The following ARHGAP32 variants were observed in gnomAD, a reference collection of about 807,000 sequenced individuals.
ARHGAP32 encodes rho GTPase-activating protein 32.
In ARHGAP32, 51 loss-of-function variants were observed where a neutral mutation model predicts 186.5. The observed-to-expected ratio is 0.27, with a 90% CI of 0.22 to 0.35. The LOEUF is 0.35. Among genes scored for constraint, ARHGAP32 ranks in the 10% least tolerant of loss-of-function variants. The pLI is 1.00. For missense variants in ARHGAP32, 2,186 were observed against 2,623.5 expected (o/e 0.83, Z 3.64); for synonymous variants, 950 against 964.3 (o/e 0.99, Z 0.27).
Position 128,968,976 on chromosome 11 carries a change from C to A in ARHGAP32, c.6237G>T (p.Leu2079Phe). Residue 2079 changes from leucine to phenylalanine, a missense_variant, in exon 23 of 23, where the codon TTG becomes TTT. By Grantham distance (22) the Leu-to-Phe change is conservative (BLOSUM62 0). Around this residue, in one of 5 missense-constraint regions of ARHGAP32, gnomAD observed 1,502 missense variants for 1,570.0 expected, o/e 0.96. Transcript: ENST00000682385. ...HPQSRTYATALGQGAFLPAEL... is the reference protein window; with the variant it reads ...HPQSRTYATAFGQGAFLPAEL... ...CTGCGGGCAGGAAGGCCCCTTGACC[C>A]AACGCTGTAGCATAGGTCCTGCTCT... 1 of 1,588,802 alleles carries A rather than the reference C, an allele frequency of 6.3e-7. No individual in the cohort carries two copies. The highest frequency in any genetic ancestry group is 1.7e-5 in the Admixed American group (1 of 58,664).
chr11:128,994,483 G>T (rs974247390), intron 12 of ARHGAP32, among the ~76,000 whole-genome samples: 5 of 151,904 alleles, frequency 3.3e-5, no homozygotes, highest in African/African-American at 1.2e-4. Context: ...TCACATCTAA[G>T]CAAGGTTTAA....
intron 1 of ARHGAP32, among the ~76,000 whole-genome samples, chr11:129,263,691 A>G (rs1945355553): frequency 2.0e-5 from 3 of 151,358 alleles, no homozygotes; most frequent in Admixed American, 2.0e-4. Context: ...AAAGAAAGAG[A>G]AAAAGAAAGA....
intron 20 of ARHGAP32, 81 bp downstream of exon 20, chr11:128,976,482 G>T: frequency 8.7e-7 from 1 of 1,145,370 alleles, no homozygotes; most frequent in Non-Finnish European, 1.3e-6. Context: ...ATTAAGCACA[G>T]ATATATAAAA....
intron 10 of ARHGAP32, among the ~76,000 whole-genome samples, chr11:129,044,130 T>C (rs1319383392): frequency 6.6e-6 from 1 of 152,218 alleles, no homozygotes; most frequent in African/African-American, 2.4e-5. Context: ...ATCTTAAGTC[T>C]GCCACTCACT....
intron 10 of ARHGAP32, among the ~76,000 whole-genome samples, chr11:129,045,472 T>C (rs1939770232): frequency 6.6e-6 from 1 of 152,226 alleles, no homozygotes; most frequent in Non-Finnish European, 1.5e-5. Context: ...GGCAAACAGA[T>C]TCCATTTTAC....
intron 1 of ARHGAP32, among the ~76,000 whole-genome samples, chr11:129,255,235 C>T (rs921907294): frequency 1.3e-5 from 2 of 152,074 alleles, no homozygotes; most frequent in Non-Finnish European, 2.9e-5. Flanking sequence ...ACGACCCACA[C>T]GTATGTGGTT....
chr11:129,024,046 G>A (rs769274949), intron 11 of ARHGAP32: 64 of 985,266 alleles, frequency 6.5e-5, no homozygotes, highest in East Asian at 1.1e-4. Flanking sequence ...CATCACTGCC[G>A]GGTTCCAGCT....
intron 1 of ARHGAP32, among the ~76,000 whole-genome samples, chr11:129,250,200 G>A (rs1391851538): frequency 6.6e-6 from 1 of 152,120 alleles, no homozygotes; most frequent in Non-Finnish European, 1.5e-5. Context: ...CTGGGCAACA[G>A]AGCAAGCCTC....
chr11:129,177,282 G>A (rs1943938217), intron 1 of ARHGAP32, among the ~76,000 whole-genome samples: 1 of 152,086 alleles, frequency 6.6e-6, no homozygotes, highest in Admixed American at 6.6e-5. Flanking sequence ...AGCTGAAATT[G>A]TGGCAATAAT....
chr11:129,090,555 C>T (rs1427189078), intron 6 of ARHGAP32, among the ~76,000 whole-genome samples: 1 of 152,038 alleles, frequency 6.6e-6, no homozygotes. Flanking sequence ...AAGTATTTTA[C>T]TAAGCAACAA....
intron 9 of ARHGAP32, among the ~76,000 whole-genome samples, chr11:129,062,699 T>C (rs549351694): frequency 2.1e-4 from 32 of 152,218 alleles, no homozygotes; most frequent in Non-Finnish European, 2.4e-4. Flanking sequence ...TCACTGAGAG[T>C]GATCAGATTC....
chr11:129,036,380 C>CAAAAAAAAAAAAAAA (rs58678377), intron 11 of ARHGAP32, among the ~76,000 whole-genome samples: 2 of 98,698 alleles, frequency 2.0e-5, no homozygotes, highest in Admixed American at 1.0e-4. Flanking sequence ...AACTCCGTCT[C>CAAAAAAAAAAAAAAA]AAAAAAAAAA....
intron 2 of ARHGAP32, among the ~76,000 whole-genome samples, chr11:129,151,069 G>T (rs1943276914): frequency 6.6e-6 from 1 of 152,008 alleles, no homozygotes; most frequent in Non-Finnish European, 1.5e-5. Flanking sequence ...ATGCAAGGAG[G>T]AGTAGCAATT....
chr11:129,035,402 C>CT (rs1390372305), intron 11 of ARHGAP32, among the ~76,000 whole-genome samples: 1 of 152,154 alleles, frequency 6.6e-6, no homozygotes, highest in African/African-American at 2.4e-5. Flanking sequence ...ATAGCTGTAT[C>CT]TTTCAGATTT....
At position 128,968,215 on chromosome 11, in the gene ARHGAP32, C is replaced by T. The variant is rs1367618783; in HGVS notation, c.*692G>A. 1 of 152,028 alleles carries T rather than the reference C, an allele frequency of 6.6e-6. No homozygotes were observed. The highest frequency in any genetic ancestry group is 1.5e-5 in the Non-Finnish European group (1 of 68,000). The allele number at this position is 152,028 out of a possible 1,614,324, so 9.4% of individuals were successfully genotyped here. ...AGCCTGTTCACTGAACCGTGAGGAA[C>T]AAGGATGAAAAATAAGAATAGAAAG... is the stretch of plus-strand genomic sequence containing the variant. On this transcript the variant is annotated 3_prime_UTR_variant, in exon 23 of 23. Coordinates refer to ENST00000682385, the MANE Select transcript of ARHGAP32 (RefSeq NM_001378024.1).
At chr11:128,978,282 T>C (rs1945608052) in intron 19 of ARHGAP32, among the ~76,000 whole-genome samples, 1 of 152,220 alleles carries the variant, frequency 6.6e-6, no homozygotes, top group Non-Finnish European at 1.5e-5. Context: ...ATATGGCTTT[T>C]AAACTATTTT....
chr11:128,981,403 A>G lies in ARHGAP32; in HGVS notation c.1780+13T>C, dbSNP rs755380048. 5.1e-6 allele frequency: 8 copies of G among 1,574,062 alleles called. No individual in the cohort carries two copies. Among genetic ancestry groups the G allele is most frequent in the Middle Eastern group, 2.0e-4 (1 of 4,952 alleles). On this transcript the variant is annotated intron_variant, in intron 17 of 22. Transcript: ENST00000682385. ...ACACACCCTCCTGGTAGGAAGGGCC[A>G]TCGGAGCCGTACCTGCCCCCTCTTG...
At chr11:129,096,278 A>C (rs2135281424) in intron 5 of ARHGAP32, among the ~76,000 whole-genome samples, 1 of 152,362 alleles carries the variant, frequency 6.6e-6, no homozygotes, top group South Asian at 2.1e-4. Context: ...AATACAGTTC[A>C]ACAGGCAAAC....
chr11:129,098,609 C>T (rs924291846), intron 5 of ARHGAP32, among the ~76,000 whole-genome samples: 7 of 151,812 alleles, frequency 4.6e-5, no homozygotes, highest in Admixed American at 1.3e-4. Context: ...TTAGTAGAGA[C>T]GGGGTTTCAC....
Sources: allele counts gnomAD v4.1 joint callset (sites outside exome capture counted in the v4.1 genomes callset), GRCh38; gene constraint gnomAD v4.1.1; regional missense constraint gnomAD v4.1.1; transcripts MANE v1.5; gene names NCBI Gene and HGNC (gene_info 2026-07-23, HGNC 2026-07-21).